ACACA: variants seen among roughly 807,000 people sequenced by gnomAD.
The protein encoded by ACACA is acetyl-CoA carboxylase alpha, also known as acetyl-CoA carboxylase 1.
In ACACA, 103 loss-of-function variants were observed where a neutral mutation model predicts 296.1. That is an observed-to-expected ratio of 0.35 (90% CI 0.30 to 0.41). ACACA has a LOEUF of 0.41. ACACA is among the 10% of genes least tolerant of loss of function. The probability of loss-of-function intolerance (pLI) is 1.00; values close to 1 mark genes in which losing one functional copy is unlikely to be tolerated. For missense variants in ACACA, 1,554 were observed against 2,989.7 expected, an observed-to-expected ratio of 0.52 and a Z score of 11.20; for synonymous variants, 953 against 1,038.6, an observed-to-expected ratio of 0.92 and a Z score of 1.58.
intron 1 of ACACA, among the ~76,000 whole-genome samples, chr17:37,343,359 T>C (rs919699676): frequency 6.6e-6 from 1 of 152,232 alleles, no homozygotes; most frequent in African/African-American, 2.4e-5. Context: ...TTACACTGTA[T>C]TTTCCATGCA....
At chr17:37,134,671 G>A (rs568503894) in intron 45 of ACACA, among the ~76,000 whole-genome samples, 1 of 152,042 alleles carries the variant, frequency 6.6e-6, no homozygotes, top group Non-Finnish European at 1.5e-5. Flanking sequence ...ACAATGCTCG[G>A]TGGGTCAGGA....
chr17:37,268,737 C>CTATATATA (rs1302264722), intron 10 of ACACA, among the ~76,000 whole-genome samples: 37 of 70,912 alleles, frequency 5.2e-4, no homozygotes, highest in African/African-American at 1.5e-3. Flanking sequence ...ATCTATCTAT[C>CTATATATA]TATCTATATA....
intron 3 of ACACA, among the ~76,000 whole-genome samples, chr17:37,311,259 T>C (rs1328613541): frequency 6.6e-6 from 1 of 152,028 alleles, no homozygotes; most frequent in Admixed American, 6.5e-5. Flanking sequence ...GGAATGTGGC[T>C]ATCAAAAAAA....
chr17:37,270,617 G>T, intron 10 of ACACA, 134 bp downstream of exon 10: 1 of 702,110 alleles, frequency 1.4e-6, no homozygotes, highest in Non-Finnish European at 2.5e-6. Context: ...GTAGAAACTA[G>T]AGAGAAAGAC....
intron 1 of ACACA, among the ~76,000 whole-genome samples, chr17:37,384,821 A>T (rs1014245635): frequency 6.6e-6 from 1 of 152,204 alleles, no homozygotes; most frequent in Admixed American, 6.6e-5. Flanking sequence ...GCCTGGTACT[A>T]TGGCCACTGG....
intron 49 of ACACA, 40 bp downstream of exon 49, chr17:37,122,491 C>A: frequency 6.5e-7 from 1 of 1,542,648 alleles, no homozygotes; most frequent in Non-Finnish European, 9.0e-7. Context: ...AAGAGAAAAA[C>A]CCTCCAAGCA....
chr17:37,185,402 C>CTCTTTTTTTTTTTT (rs2077489572), intron 39 of ACACA, among the ~76,000 whole-genome samples: 1 of 48,438 alleles, frequency 2.1e-5, no homozygotes, highest in African/African-American at 9.2e-5. Context: ...CTGGCTATTT[C>CTCTTTTTTTTTTTT]TTTTTTTTTT....
At chr17:37,208,765 G>A (rs1390817097) in intron 30 of ACACA, among the ~76,000 whole-genome samples, 1 of 152,222 alleles carries the variant, frequency 6.6e-6, no homozygotes, top group Non-Finnish European at 1.5e-5. Flanking sequence ...AATCAGGACA[G>A]CCTGTTAGGA....
intron 16 of ACACA, among the ~76,000 whole-genome samples, chr17:37,249,581 T>C (rs765868194): frequency 6.6e-5 from 10 of 152,350 alleles, no homozygotes; most frequent in South Asian, 2.1e-4. Context: ...CATCATGGTT[T>C]TGATTTTATT....
chr17:37,293,678 A>C (rs2083188092), intron 3 of ACACA, among the ~76,000 whole-genome samples: 1 of 151,140 alleles, frequency 6.6e-6, no homozygotes, highest in Non-Finnish European at 1.5e-5. Context: ...AGTAGCTGGG[A>C]TTACAGGCAC....
chr17:37,179,135 G>C, intron 41 of ACACA, 125 bp downstream of exon 41: 1 of 1,194,120 alleles, frequency 8.4e-7, no homozygotes, highest in Non-Finnish European at 1.2e-6. Context: ...CTCAGTCAAT[G>C]CTCTCTCTAA....
chr17:37,199,825 T>A (rs2078165502), intron 35 of ACACA, among the ~76,000 whole-genome samples: 1 of 147,726 alleles, frequency 6.8e-6, no homozygotes, highest in South Asian at 2.1e-4. Flanking sequence ...ATTATAGGGT[T>A]AAAAAAAAAA....
intron 25 of ACACA, 32 bp downstream of exon 25, chr17:37,234,943 G>C: frequency 6.2e-7 from 1 of 1,612,658 alleles, no homozygotes; most frequent in Non-Finnish European, 8.5e-7. Flanking sequence ...TATCATTGAC[G>C]GTCTTTACAA....
chr17:37,101,355 A>G (rs2073351677), intron 52 of ACACA, among the ~76,000 whole-genome samples: 2 of 152,238 alleles, frequency 1.3e-5, no homozygotes, highest in African/African-American at 4.8e-5. Flanking sequence ...CATACAATCA[A>G]TAATCAAAGC....
intron 3 of ACACA, among the ~76,000 whole-genome samples, chr17:37,326,206 C>CAAAA (rs773519168): frequency 6.5e-5 from 4 of 61,870 alleles, no homozygotes; most frequent in East Asian, 5.1e-4. Context: ...AAGACTGTCT[C>CAAAA]AAAAAAAAAA....
chr17:37,207,599 C>T, intron 31 of ACACA, 58 bp downstream of exon 31: 1 of 1,604,174 alleles, frequency 6.2e-7, no homozygotes, highest in Non-Finnish European at 8.5e-7. Context: ...AAGATGAGAC[C>T]CCAAAACACA....
chr17:37,093,118 G>A (rs1295824051), intron 54 of ACACA, among the ~76,000 whole-genome samples: 1 of 152,190 alleles, frequency 6.6e-6, no homozygotes, highest in Non-Finnish European at 1.5e-5. Context: ...TTTGGTGTAT[G>A]AGACTTATTC....
chr17:37,180,435 T>C (rs571245730), intron 40 of ACACA, among the ~76,000 whole-genome samples: 3 of 152,240 alleles, frequency 2.0e-5, no homozygotes, highest in Non-Finnish European at 4.4e-5. Flanking sequence ...AATGTGGTAA[T>C]ACTGGTAGTA....
chr17:37,156,961 T>C (rs1238305048), intron 42 of ACACA, among the ~76,000 whole-genome samples: 1 of 152,242 alleles, frequency 6.6e-6, no homozygotes, highest in Non-Finnish European at 1.5e-5. Flanking sequence ...GAGTGCCTAT[T>C]ATGTACAAGG....
Sources: allele counts gnomAD v4.1 joint callset (sites outside exome capture counted in the v4.1 genomes callset), GRCh38; gene constraint gnomAD v4.1.1; transcripts MANE v1.5; gene names NCBI Gene and HGNC (gene_info 2026-07-23, HGNC 2026-07-21).